Variants in DAB1 observed in about 807,000 individuals in gnomAD.
DAB1 encodes the protein disabled homolog 1.
DAB1 carries 15 observed loss-of-function variants against 64.6 expected under a neutral mutation model. The observed-to-expected ratio is 0.23, with a 90% CI of 0.16 to 0.36. The LOEUF is 0.36. Among genes scored for constraint, DAB1 ranks in the 10% least tolerant of loss-of-function variants. DAB1 has a pLI of 1.00. For missense variants in DAB1, 596 were observed against 706.7 expected, an observed-to-expected ratio of 0.84 and a Z score of 1.78; for synonymous variants, 235 against 251.9, an observed-to-expected ratio of 0.93 and a Z score of 0.64.
chr1:57,238,895 C>CACACACACA (rs1558002698), intron 2 of DAB1, among the ~76,000 whole-genome samples: 13 of 124,792 alleles, frequency 1.0e-4, no homozygotes, highest in African/African-American at 3.6e-4. Context: ...ACACACACAC[C>CACACACACA]CCTAACTTGA....
intron 11 of DAB1, among the ~76,000 whole-genome samples, chr1:57,019,792 C>A (rs1646554892): frequency 6.6e-6 from 1 of 152,162 alleles, no homozygotes; most frequent in South Asian, 2.1e-4. Context: ...TCATAAATCT[C>A]CTTGCTGTGG....
At chr1:57,547,147 A>G (rs1170468187) in intron 7 of DAB1, among the ~76,000 whole-genome samples, 1 of 152,158 alleles carries the variant, frequency 6.6e-6, no homozygotes, top group Non-Finnish European at 1.5e-5. Context: ...CCAAGACCCC[A>G]GGCAGCCAGT....
chr1:57,374,247 A>G (rs1680725034), intron 1 of DAB1, among the ~76,000 whole-genome samples: 1 of 152,234 alleles, frequency 6.6e-6, no homozygotes, highest in Admixed American at 6.5e-5. Context: ...AAAAGAATAA[A>G]CAAAACATCT....
chr1:57,271,687 A>T (rs1570120028), intron 2 of DAB1, among the ~76,000 whole-genome samples: 2 of 152,244 alleles, frequency 1.3e-5, no homozygotes, highest in Non-Finnish European at 2.9e-5. Context: ...AGCCCCGCGG[A>T]GGGCCTGATT....
intron 1 of DAB1, among the ~76,000 whole-genome samples, chr1:57,420,766 T>A (rs968648308): frequency 3.3e-5 from 5 of 152,216 alleles, no homozygotes; most frequent in African/African-American, 9.6e-5. Flanking sequence ...GTTTTGCAGA[T>A]GATGAAAGCA....
intron 2 of DAB1, among the ~76,000 whole-genome samples, chr1:57,237,471 A>T (rs1668179217): frequency 6.6e-6 from 1 of 152,230 alleles, no homozygotes; most frequent in African/African-American, 2.4e-5. Context: ...GCTCTGAAAT[A>T]GATTTCCTTT....
At chr1:58,355,145 G>T (rs796907282) in intron 3 of DAB1, among the ~76,000 whole-genome samples, 5 of 152,276 alleles carry the variant, frequency 3.3e-5, no homozygotes, top group African/African-American at 1.2e-4. Context: ...TTGTCAAAGA[G>T]ATGTCTACAG....
chr1:57,807,321 G>T (rs1167067716), intron 6 of DAB1, among the ~76,000 whole-genome samples: 2 of 151,968 alleles, frequency 1.3e-5, no homozygotes, highest in Non-Finnish European at 2.9e-5. Flanking sequence ...GATACAATTG[G>T]CAATTGTATC....
rs902834850 is a variant in DAB1, at chr1:57,256,462, A to C, written c.67+34502T>G. Among the ~76,000 whole-genome samples, 5 of 152,110 alleles carry C rather than the reference A, an allele frequency of 3.3e-5. No individual in the cohort carries two copies. In the South Asian group the frequency reaches 1.0e-3, roughly 32 times the overall value. On this transcript the variant is annotated intron_variant, in intron 2 of 14. Transcript: ENST00000371236. Reference sequence around the variant, plus strand: ...GTCATGTCTTTAAGCAAGTGGCTCCACCTCTCTGGTCTTCATTTTCCACAT... The same window carrying C: ...GTCATGTCTTTAAGCAAGTGGCTCCCCCTCTCTGGTCTTCATTTTCCACAT...
chr1:57,258,017 T>C (rs1016633784), intron 2 of DAB1, among the ~76,000 whole-genome samples: 1 of 152,232 alleles, frequency 6.6e-6, no homozygotes, highest in Non-Finnish European at 1.5e-5. Context: ...GGGATTAGAA[T>C]AGGAATATTT....
chr1:58,463,819 TC>T (rs1398772381), intron 3 of DAB1, among the ~76,000 whole-genome samples: 1 of 152,238 alleles, frequency 6.6e-6, no homozygotes, highest in African/African-American at 2.4e-5. Context: ...TCTGTACATG[TC>T]CTTGTCATGT....
intron 3 of DAB1, among the ~76,000 whole-genome samples, chr1:58,430,680 T>C (rs568097204): frequency 6.6e-6 from 1 of 152,290 alleles, no homozygotes; most frequent in Non-Finnish European, 1.5e-5. Flanking sequence ...CTTGTTTCTG[T>C]AGTTTATTGT....
chr1:58,430,111 T>C (rs1185851785), intron 3 of DAB1, among the ~76,000 whole-genome samples: 1 of 152,142 alleles, frequency 6.6e-6, no homozygotes, highest in East Asian at 1.9e-4. Context: ...CCTAATACTA[T>C]CACTTCAGGG....
rs144335933 is a variant in DAB1, at chr1:57,683,039, A to G, written n.552-33374T>C. 4.9e-4 allele frequency among the ~76,000 whole-genome samples: 75 copies of G among 152,296 alleles called. 1 individual carries two copies. The East Asian group carries it at 0.013, about 26-fold the overall frequency. ...GGCAGTAGTTTGGATCCCCAAGCAC[A>G]GAGAGAGCCTGATCCTGAGCCACAG... is the stretch of plus-strand genomic sequence containing the variant. On this transcript the variant is annotated intron_variant and non_coding_transcript_variant, in intron 6 of 20. Transcript: ENST00000485760.
intron 7 of DAB1, among the ~76,000 whole-genome samples, chr1:57,482,934 G>A (rs1430716035): frequency 6.6e-6 from 1 of 152,150 alleles, no homozygotes; most frequent in Non-Finnish European, 1.5e-5. Context: ...TACCATACTT[G>A]TGTAAGTGTT....
intron 4 of DAB1, among the ~76,000 whole-genome samples, chr1:57,100,766 G>A (rs981139150): frequency 6.8e-6 from 1 of 147,232 alleles, no homozygotes; most frequent in African/African-American, 2.5e-5. Context: ...GGGTGGGGGT[G>A]GGGGTGGGGG....
chr1:58,129,888 A>G (rs1363707862), intron 5 of DAB1, among the ~76,000 whole-genome samples: 1 of 147,790 alleles, frequency 6.8e-6, no homozygotes, highest in African/African-American at 2.5e-5. Context: ...TATGTGGTCA[A>G]TTTTGGAATA....
At chr1:57,997,306 G>A (rs868315147) in intron 5 of DAB1, among the ~76,000 whole-genome samples, 1 of 152,152 alleles carries the variant, frequency 6.6e-6, no homozygotes, top group African/African-American at 2.4e-5. Flanking sequence ...TCAAGTGCTG[G>A]AAGTGCTGGC....
chr1:58,125,914 G>T (rs2100682131), intron 5 of DAB1, among the ~76,000 whole-genome samples: 1 of 152,198 alleles, frequency 6.6e-6, no homozygotes, highest in East Asian at 1.9e-4. Flanking sequence ...GGTGGAGGGG[G>T]TCAGTAAACA....
Sources: gnomAD v4.1 joint callset for allele counts (sites outside exome capture counted in the v4.1 genomes callset) on GRCh38, gnomAD v4.1.1 for gene constraint, MANE v1.5 for transcripts, NCBI Gene and HGNC (gene_info 2026-07-23, HGNC 2026-07-21) for gene names.